Variants in MYOM2 observed in about 807,000 individuals in gnomAD.
MYOM2 encodes the protein myomesin-2.
Under a neutral mutation model 187.6 loss-of-function variants are expected in MYOM2, and 254 were observed. That is an observed-to-expected ratio of 1.35 (90% CI 1.22 to 1.50). The LOEUF (loss-of-function observed/expected upper bound fraction) is 1.50, where lower values mean the gene tolerates loss of function less well. Ranked by LOEUF, MYOM2 falls within the 40% of genes most tolerant of loss-of-function variation. MYOM2 has a pLI of 0.00. For synonymous variants in MYOM2, 981 were observed against 753.8 expected (o/e 1.30, Z -4.94); for missense variants, 2,796 against 1,924.0 (o/e 1.45, Z -8.48).
chr8:2,065,403 T>C (rs1389188962), intron 6 of MYOM2, among the ~76,000 whole-genome samples: 1 of 152,124 alleles, frequency 6.6e-6, no homozygotes, highest in Non-Finnish European at 1.5e-5. Context: ...ACCCTGTCTC[T>C]ACTAAAAATA....
At chr8:2,071,794 C>T (rs1005865255) in intron 8 of MYOM2, among the ~76,000 whole-genome samples, 19 of 152,216 alleles carry the variant, frequency 1.2e-4, no homozygotes, top group African/African-American at 4.3e-4. Flanking sequence ...GCAGGCATGG[C>T]TTCTGGTGAG....
intron 32 of MYOM2, among the ~76,000 whole-genome samples, chr8:2,131,684 C>G (rs2116889098): frequency 6.8e-6 from 1 of 148,014 alleles, no homozygotes; most frequent in East Asian, 2.0e-4. Context: ...CACTCTGTCA[C>G]CCAGGCTGGA....
chr8:2,144,552 T>C (rs570874367), intron 36 of MYOM2, 112 bp from the exon 37 acceptor site: 2 of 1,107,328 alleles, frequency 1.8e-6, no homozygotes, highest in East Asian at 4.7e-5. Flanking sequence ...AAACAAACGA[T>C]TGAAGGACCA....
intron 13 of MYOM2, among the ~76,000 whole-genome samples, chr8:2,082,750 C>A (rs1325390413): frequency 1.3e-5 from 2 of 152,194 alleles, no homozygotes; most frequent in Non-Finnish European, 2.9e-5. Flanking sequence ...ATTATGTATG[C>A]AAGCATTGGC....
intron 32 of MYOM2, among the ~76,000 whole-genome samples, chr8:2,140,164 C>T (rs1798224049): frequency 6.6e-6 from 1 of 152,172 alleles, no homozygotes; most frequent in Non-Finnish European, 1.5e-5. Context: ...ATATTTGTCT[C>T]TTTGTGACAG....
chr8:2,048,586 G>A (rs982927458), intron 1 of MYOM2, among the ~76,000 whole-genome samples: 2 of 152,166 alleles, frequency 1.3e-5, no homozygotes, highest in Non-Finnish European at 2.9e-5. Context: ...GCATGATGCA[G>A]ATTCAATATG....
At chr8:2,058,614 T>G (rs4463449) in intron 5 of MYOM2, among the ~76,000 whole-genome samples, 79,235 of 151,972 alleles carry the variant, frequency 0.52, 20,870 homozygotes, top group East Asian at 0.72. Context: ...GTTGGGACTC[T>G]GAGCCACAGA....
At chr8:2,104,716 C>T (rs551938003) in intron 21 of MYOM2, among the ~76,000 whole-genome samples, 11 of 152,276 alleles carry the variant, frequency 7.2e-5, no homozygotes, top group African/African-American at 2.2e-4. Context: ...CTGGTGGCTC[C>T]GGTGAGGGCC....
intron 8 of MYOM2, among the ~76,000 whole-genome samples, chr8:2,071,443 C>T (rs183264900): frequency 2.6e-5 from 4 of 152,170 alleles, no homozygotes; most frequent in East Asian, 3.9e-4. Context: ...ACCAGGCTGA[C>T]GCTTCTGGAT....
chr8:2,133,408 T>A (rs1484770656), intron 32 of MYOM2, among the ~76,000 whole-genome samples: 1 of 152,212 alleles, frequency 6.6e-6, no homozygotes, highest in Non-Finnish European at 1.5e-5. Flanking sequence ...AAACCTTCAG[T>A]GGACTTGACG....
At chr8:2,144,577 G>T in intron 36 of MYOM2, 87 bp from the exon 37 acceptor site, 1 of 1,315,876 alleles carries the variant, frequency 7.6e-7, no homozygotes, top group Admixed American at 2.0e-5. Flanking sequence ...ATGTAACTGA[G>T]TGTGACCTGG....
chr8:2,068,540 C>T (rs1355046339), intron 6 of MYOM2, among the ~76,000 whole-genome samples: 3 of 151,608 alleles, frequency 2.0e-5, no homozygotes, highest in Non-Finnish European at 2.9e-5. Context: ...TCTTCAATGC[C>T]TGTGTGCACC....
chr8:2,072,826 C>A (rs1435340224), intron 9 of MYOM2, among the ~76,000 whole-genome samples: 1 of 152,234 alleles, frequency 6.6e-6, no homozygotes, highest in Non-Finnish European at 1.5e-5. Flanking sequence ...GGCTGGTTAG[C>A]AGCTTGTGTA....
intron 25 of MYOM2, among the ~76,000 whole-genome samples, chr8:2,114,806 C>G (rs527380073): frequency 1.3e-5 from 2 of 152,104 alleles, no homozygotes; most frequent in African/African-American, 4.8e-5. Context: ...TTTTTTGAGA[C>G]AGGGTCTTTC....
At chr8:2,076,648 C>T (rs898915532) in intron 11 of MYOM2, 1 of 188,816 alleles carries the variant, frequency 5.3e-6, no homozygotes, top group Non-Finnish European at 1.1e-5. Flanking sequence ...AGAATTAAAG[C>T]TTGGAACTGT....
chr8:2,078,886 C>G lies in MYOM2; in HGVS notation c.1415C>G (p.Ser472Cys), dbSNP rs577633385. 2.5e-6 allele frequency: 4 copies of G among 1,614,018 alleles called. No homozygotes were observed. The Admixed American group carries it at 5.0e-5, about 20-fold the overall frequency. Residue 472 changes from serine to cysteine, a missense_variant, in exon 12 of 37, where the codon TCT (serine) becomes TGT (cysteine). Coordinates refer to ENST00000262113, the MANE Select transcript of MYOM2 (RefSeq NM_003970.4). ...SAGISRPSRV[S>C]DAVAALDPLD... ...GGCATCAGCCGACCCTCCAGGGTCT[C>G]TGATGCGGTGGCTGCACTTGACCCC...
chr8:2,074,445 C>T (rs996154654), intron 10 of MYOM2, among the ~76,000 whole-genome samples: 1 of 151,912 alleles, frequency 6.6e-6, no homozygotes, highest in African/African-American at 2.4e-5. Context: ...CCTACTCCCA[C>T]TCCTCCTTTT....
At chr8:2,138,697 A>G (rs1798167640) in intron 32 of MYOM2, among the ~76,000 whole-genome samples, 2 of 152,134 alleles carry the variant, frequency 1.3e-5, no homozygotes. Context: ...TTGTAGACAA[A>G]TGTGTGTCAG....
intron 25 of MYOM2, among the ~76,000 whole-genome samples, chr8:2,112,519 G>A (rs558877115): frequency 3.3e-5 from 5 of 152,224 alleles, no homozygotes; most frequent in Non-Finnish European, 5.9e-5. Flanking sequence ...GCTCAACGGA[G>A]GGGGCTGTTT....
Sources: allele counts gnomAD v4.1 joint callset (sites outside exome capture counted in the v4.1 genomes callset), GRCh38; gene constraint gnomAD v4.1.1; transcripts MANE v1.5; gene names NCBI Gene and HGNC (gene_info 2026-07-23, HGNC 2026-07-21).